WDPCP: variants seen among roughly 807,000 people sequenced by gnomAD.
WDPCP encodes the protein WD repeat-containing and planar cell polarity effector protein fritz homolog.
WDPCP carries 71 observed loss-of-function variants against 93.1 expected under a neutral mutation model. The ratio of observed to expected loss-of-function variants is 0.76; its 90% CI spans 0.63 to 0.93. WDPCP has a LOEUF of 0.93. WDPCP is among the 40% of genes least tolerant of loss of function. WDPCP has a pLI of 0.00. For synonymous variants in WDPCP, 315 were observed against 315.0 expected (o/e 1.00, Z 0.00); for missense variants, 844 against 887.4 (o/e 0.95, Z 0.62).
intron 2 of WDPCP, chr2:63,751,763 G>T: frequency 1.7e-6 from 1 of 594,412 alleles, no homozygotes; most frequent in Non-Finnish European, 3.2e-6. Flanking sequence ...TTTGTGGTTT[G>T]GCAAAGTATT....
intron 2 of WDPCP, among the ~76,000 whole-genome samples, chr2:63,720,472 TA>T (rs1018775654): frequency 4.6e-5 from 7 of 151,608 alleles, no homozygotes; most frequent in Non-Finnish European, 7.4e-5. Context: ...TATCCTCAAT[TA>T]AAAAAAATCA....
intron 1 of WDPCP, among the ~76,000 whole-genome samples, chr2:63,502,899 C>T (rs553932511): frequency 6.6e-6 from 1 of 152,232 alleles, no homozygotes; most frequent in East Asian, 1.9e-4. Flanking sequence ...AGCTGCTAAC[C>T]ACTGGTCAGA....
intron 1 of WDPCP, among the ~76,000 whole-genome samples, chr2:63,823,266 G>T (rs934752414): frequency 6.6e-6 from 1 of 151,230 alleles, no homozygotes; most frequent in African/African-American, 2.4e-5. Context: ...CCAGCACTTT[G>T]GGAGGCCAAG....
intron 14 of WDPCP, among the ~76,000 whole-genome samples, chr2:63,257,295 T>G (rs1488470364): frequency 1.3e-5 from 2 of 152,124 alleles, no homozygotes; most frequent in Non-Finnish European, 2.9e-5. Flanking sequence ...CTTTCAGCTT[T>G]GGGATAAGTT....
intron 2 of WDPCP, among the ~76,000 whole-genome samples, chr2:63,788,090 C>G (rs1294390830): frequency 2.0e-5 from 3 of 151,882 alleles, no homozygotes; most frequent in Non-Finnish European, 4.4e-5. Context: ...AGTCCAATAC[C>G]ATATTATCTC....
chr2:63,686,117 CAA>C (rs1668801921), intron 2 of WDPCP, among the ~76,000 whole-genome samples: 1 of 152,084 alleles, frequency 6.6e-6, no homozygotes, highest in Admixed American at 6.5e-5. Flanking sequence ...AGCAATCAGA[CAA>C]GAGAAAGAAA....
At position 63,720,640 on chromosome 2, in the gene WDPCP, C is replaced by A. The variant is rs533069774; in HGVS notation, n.309-69802G>T. Among the ~76,000 whole-genome samples, 3 of 152,214 alleles carry A rather than the reference C, an allele frequency of 2.0e-5. No homozygotes were observed. The South Asian group carries it at 6.2e-4, about 32-fold the overall frequency. On this transcript the variant is annotated intron_variant and non_coding_transcript_variant, in intron 2 of 4. Transcript: ENST00000467687. ...AGTCTAATGTGTCTCTTTCCATTGA[C>A]CCCTAGGTTGAGGTGATATCTGAAA...
intron 1 of WDPCP, among the ~76,000 whole-genome samples, chr2:63,510,166 A>C (rs1014326560): frequency 6.6e-6 from 1 of 152,188 alleles, no homozygotes; most frequent in Non-Finnish European, 1.5e-5. Flanking sequence ...GATGAACATC[A>C]ATGCAAAAAT....
At chr2:63,712,423 C>T (rs1309805770) in intron 2 of WDPCP, among the ~76,000 whole-genome samples, 4 of 152,140 alleles carry the variant, frequency 2.6e-5, no homozygotes, top group African/African-American at 7.2e-5. Flanking sequence ...ATATCAACTC[C>T]CATAGCAAGA....
chr2:63,801,061 T>A (rs1474580032), intron 2 of WDPCP, among the ~76,000 whole-genome samples: 1 of 152,130 alleles, frequency 6.6e-6, no homozygotes, highest in Non-Finnish European at 1.5e-5. Flanking sequence ...TTGAAATAAA[T>A]AAATACATAA....
chr2:63,293,472 C>T (rs151153677), intron 13 of WDPCP, among the ~76,000 whole-genome samples: 1 of 151,052 alleles, frequency 6.6e-6, no homozygotes, highest in East Asian at 1.9e-4. Context: ...TTTTCAGCAA[C>T]AAAAAATCAT....
At chr2:63,153,313 T>G (rs552210394) in intron 16 of WDPCP, among the ~76,000 whole-genome samples, 182 bp downstream of exon 16, 1 of 152,286 alleles carries the variant, frequency 6.6e-6, no homozygotes, top group East Asian at 1.9e-4. Context: ...TGTATGATCA[T>G]TGAAATTTCA....
intron 2 of WDPCP, among the ~76,000 whole-genome samples, chr2:63,774,972 G>A (rs547526634): frequency 6.6e-6 from 1 of 152,158 alleles, no homozygotes; most frequent in East Asian, 1.9e-4. Flanking sequence ...CTAACTATAA[G>A]ATTTCCTTGA....
At chr2:63,602,195 G>A (rs888114329) in intron 3 of WDPCP, among the ~76,000 whole-genome samples, 1 of 152,188 alleles carries the variant, frequency 6.6e-6, no homozygotes, top group Admixed American at 6.5e-5. Flanking sequence ...TAAGAAAGCA[G>A]TCTCAACTAG....
chr2:63,231,986 T>C (rs961348161), intron 14 of WDPCP, among the ~76,000 whole-genome samples: 3 of 152,186 alleles, frequency 2.0e-5, no homozygotes, highest in African/African-American at 7.2e-5. Context: ...AACAGAGATA[T>C]AGACCAATGC....
chr2:63,415,211 A>C (rs978874085), intron 9 of WDPCP, among the ~76,000 whole-genome samples: 1 of 152,198 alleles, frequency 6.6e-6, no homozygotes, highest in Non-Finnish European at 1.5e-5. Flanking sequence ...AAAAATTAAA[A>C]AATTAGCCAG....
At chr2:63,246,289 C>T (rs964747193) in intron 14 of WDPCP, among the ~76,000 whole-genome samples, 1 of 152,092 alleles carries the variant, frequency 6.6e-6, no homozygotes. Flanking sequence ...CTTTCCTGGT[C>T]GGTTTCATAA....
chr2:63,438,056 C>T, intron 7 of WDPCP: 1 of 1,205,948 alleles, frequency 8.3e-7, no homozygotes, highest in East Asian at 3.1e-5. Flanking sequence ...TGAAATAAAG[C>T]ATATTATGAC....
At chr2:63,647,125 T>C (rs1339105607) in intron 3 of WDPCP, among the ~76,000 whole-genome samples, 1 of 152,090 alleles carries the variant, frequency 6.6e-6, no homozygotes, top group African/African-American at 2.4e-5. Flanking sequence ...TCTCCTCTGA[T>C]CATGCATTTT....
Sources: allele counts gnomAD v4.1 joint callset (sites outside exome capture counted in the v4.1 genomes callset), GRCh38; gene constraint gnomAD v4.1.1; transcripts MANE v1.5; gene names NCBI Gene and HGNC (gene_info 2026-07-23, HGNC 2026-07-21).